The following HS6ST3 variants were observed in gnomAD, a reference collection of about 807,000 sequenced individuals.
The protein encoded by HS6ST3 is heparan-sulfate 6-O-sulfotransferase 3.
Under a neutral mutation model 36.7 loss-of-function variants are expected in HS6ST3, and 12 were observed. The observed-to-expected ratio is 0.33, with a 90% CI of 0.21 to 0.53. The LOEUF is 0.53. HS6ST3 is among the 20% of genes least tolerant of loss of function. The pLI is 0.95. For missense variants in HS6ST3, 584 were observed against 640.9 expected (o/e 0.91, Z 0.96); for synonymous variants, 240 against 257.5 (o/e 0.93, Z 0.65).
At chr13:96,478,800 T>G (rs1193388924) in intron 1 of HS6ST3, among the ~76,000 whole-genome samples, 1 of 152,112 alleles carries the variant, frequency 6.6e-6, no homozygotes, top group Admixed American at 6.5e-5. Flanking sequence ...AAATGGAGAT[T>G]TGGGGGCTAA....
Position 96,591,057 on chromosome 13 carries a change from T to A in HS6ST3, c.708-241433T>A, listed in dbSNP as rs544614178. On this transcript the variant is annotated intron_variant, in intron 1 of 1. Coordinates refer to ENST00000376705, the MANE Select transcript of HS6ST3 (RefSeq NM_153456.4). ...TTGTCCCTTTGGTCTAGATGTCTGT[T>A]TTTTTTTTTTGCCAGTACCATGCCC... Among the ~76,000 whole-genome samples, 248 of 136,446 alleles carry A rather than the reference T, an allele frequency of 1.8e-3. 1 individual carries two copies. The highest frequency in any genetic ancestry group is 2.9e-3 in the Non-Finnish European group (189 of 66,198). The allele number at this position is 136,446 out of a possible 152,430, so 89.5% of individuals were successfully genotyped here. A position where few individuals can be genotyped will look rare whatever the true frequency, so the allele number is the denominator to read the frequency against.
chr13:96,525,856 T>C (rs528750949), intron 1 of HS6ST3, among the ~76,000 whole-genome samples: 1 of 152,346 alleles, frequency 6.6e-6, no homozygotes, highest in Admixed American at 6.5e-5. Flanking sequence ...ACAAAGCAGT[T>C]AAAGACACTG....
intron 1 of HS6ST3, among the ~76,000 whole-genome samples, chr13:96,173,536 T>G (rs2139335743): frequency 6.6e-6 from 1 of 152,104 alleles, no homozygotes; most frequent in Non-Finnish European, 1.5e-5. Flanking sequence ...ATAAAACCTA[T>G]TATAAGAGAG....
chr13:96,566,538 G>A (rs1461682996), intron 1 of HS6ST3, among the ~76,000 whole-genome samples: 4 of 152,104 alleles, frequency 2.6e-5, no homozygotes, highest in Admixed American at 2.6e-4. Flanking sequence ...CAGTAAATGA[G>A]TTTATTCTTG....
rs148108523 is a variant in HS6ST3, at chr13:96,672,485, C to T, written c.708-160005C>T. Among the ~76,000 whole-genome samples the T allele has an allele frequency of 9.2e-5, 14 of 152,262 alleles. No homozygotes were observed. In the East Asian group the frequency reaches 2.7e-3, roughly 29 times the overall value. On this transcript the variant is annotated intron_variant, in intron 1 of 1. Transcript: ENST00000376705. ...ACCCCTCTCCAGCAGCCCTCCATCT[C>T]CAACCTCAGCTGTGGACTCCAAGAC... is the stretch of plus-strand genomic sequence containing the variant.
At chr13:96,596,290 G>T (rs1164861827) in intron 1 of HS6ST3, among the ~76,000 whole-genome samples, 1 of 151,964 alleles carries the variant, frequency 6.6e-6, no homozygotes, top group African/African-American at 2.4e-5. Flanking sequence ...GTTTTTTATG[G>T]CTTAGTAATA....
chr13:96,607,166 G>A (rs1037176648), intron 1 of HS6ST3, among the ~76,000 whole-genome samples: 14 of 152,062 alleles, frequency 9.2e-5, no homozygotes, highest in African/African-American at 2.7e-4. Flanking sequence ...AAAGTTACTG[G>A]ACTTTAAAGA....
intron 1 of HS6ST3, among the ~76,000 whole-genome samples, chr13:96,566,158 C>A (rs2056280434): frequency 1.3e-5 from 2 of 148,244 alleles, no homozygotes; most frequent in Admixed American, 6.7e-5. Context: ...AAGAAATTTC[C>A]CAGAAAAAAA....
intron 1 of HS6ST3, among the ~76,000 whole-genome samples, chr13:96,156,538 G>T (rs1186707982): frequency 3.3e-5 from 5 of 152,166 alleles, no homozygotes; most frequent in African/African-American, 1.2e-4. Flanking sequence ...TGAGTTCCTG[G>T]TGATATTCTT....
chr13:96,602,845 T>C lies in HS6ST3; in HGVS notation c.708-229645T>C, dbSNP rs541161719. On this transcript the variant is annotated intron_variant, in intron 1 of 1. Transcript: ENST00000376705. ...TGGAGTCCAAGGTAAAGTCCTCTAC[T>C]CAGCTCTCTCTGTTTTCTTCAAGTG... 1.0e-3 allele frequency among the ~76,000 whole-genome samples: 152 copies of C among 152,304 alleles called. 1 individual carries two copies. The highest frequency in any genetic ancestry group is 4.0e-3 in the Admixed American group (61 of 15,296).
At chr13:96,395,417 C>T (rs1435130242) in intron 1 of HS6ST3, among the ~76,000 whole-genome samples, 1 of 152,130 alleles carries the variant, frequency 6.6e-6, no homozygotes, top group Non-Finnish European at 1.5e-5. Flanking sequence ...AAGAATATGC[C>T]CTTCTTTTCT....
At chr13:96,786,805 C>A (rs1433351605) in intron 1 of HS6ST3, among the ~76,000 whole-genome samples, 1 of 151,994 alleles carries the variant, frequency 6.6e-6, no homozygotes, top group Non-Finnish European at 1.5e-5. Context: ...TGTATGGATT[C>A]TTGCAGCAAC....
At chr13:96,680,089 A>G (rs1198007670) in intron 1 of HS6ST3, among the ~76,000 whole-genome samples, 1 of 152,130 alleles carries the variant, frequency 6.6e-6, no homozygotes, top group Non-Finnish European at 1.5e-5. Context: ...TGGTGCCTGC[A>G]TGATGCCAGT....
At chr13:96,438,973 A>C (rs2055656630) in intron 1 of HS6ST3, among the ~76,000 whole-genome samples, 1 of 152,148 alleles carries the variant, frequency 6.6e-6, no homozygotes, top group Non-Finnish European at 1.5e-5. Context: ...GGGCTGAGGC[A>C]GGAGACTCGC....
At chr13:96,466,888 T>C (rs2055817054) in intron 1 of HS6ST3, among the ~76,000 whole-genome samples, 2 of 152,240 alleles carry the variant, frequency 1.3e-5, no homozygotes, top group Admixed American at 6.5e-5. Flanking sequence ...AGAAAACTCT[T>C]TGGTCACAGT....
chr13:96,102,089 AT>A (rs34973249), intron 1 of HS6ST3, among the ~76,000 whole-genome samples: 4 of 151,454 alleles, frequency 2.6e-5, no homozygotes, highest in Admixed American at 6.6e-5. Flanking sequence ...CAGAAAAGGT[AT>A]TTTTTTTTCC....
In HS6ST3 at chr13:96,290,551, A is replaced by G. The variant is rs201233503; in HGVS notation, c.707+198982A>G. On this transcript the variant is annotated intron_variant, in intron 1 of 1. Transcript: ENST00000376705. ...TCTGAGGGTTCCTGCTTTTTCTCAC[A>G]TGCATCCTGCTGCCACTGCTCTGGT... is the stretch of plus-strand genomic sequence containing the variant. Among the ~76,000 whole-genome samples, 23 of 152,136 alleles carry G rather than the reference A, an allele frequency of 1.5e-4. 1 individual carries two copies. The East Asian group carries it at 4.3e-3, about 28-fold the overall frequency.
At chr13:96,110,144 C>G (rs2053861153) in intron 1 of HS6ST3, among the ~76,000 whole-genome samples, 1 of 152,092 alleles carries the variant, frequency 6.6e-6, no homozygotes, top group African/African-American at 2.4e-5. Flanking sequence ...AAGCATGGCA[C>G]TAGCTTCTGC....
chr13:96,352,585 C>T (rs1240110380), intron 1 of HS6ST3, among the ~76,000 whole-genome samples: 1 of 152,184 alleles, frequency 6.6e-6, no homozygotes, highest in East Asian at 1.9e-4. Flanking sequence ...CTGTTGGTTA[C>T]ACAGGCCAGT....
Sources: gnomAD v4.1 joint callset for allele counts (sites outside exome capture counted in the v4.1 genomes callset) on GRCh38, gnomAD v4.1.1 for gene constraint, MANE v1.5 for transcripts, NCBI Gene and HGNC (gene_info 2026-07-23, HGNC 2026-07-21) for gene names.